The following EED variants were observed in gnomAD, a reference collection of about 807,000 sequenced individuals.
The protein encoded by EED is embryonic ectoderm development, also known as polycomb protein EED.
A neutral mutation model predicts 61.0 loss-of-function variants in EED; 9 were observed. The observed-to-expected ratio is 0.15, with a 90% CI of 0.09 to 0.26. The LOEUF is 0.26. Ranked by LOEUF, EED falls within the 10% of genes least tolerant of loss-of-function variation. The pLI, the probability that EED is intolerant of heterozygous loss-of-function variation, is 1.00. For missense variants in EED, 315 were observed against 542.3 expected (o/e 0.58, Z 4.16); for synonymous variants, 187 against 174.4 (o/e 1.07, Z -0.57).
At chr11:86,265,346 G>A (rs1945948398) in intron 7 of EED, 3 of 152,202 alleles carry the variant, frequency 2.0e-5, no homozygotes, top group African/African-American at 4.8e-5. Context: ...TAGAATGAGA[G>A]CAGGAGACAG....
At chr11:86,251,233 C>T (rs1045476997) in intron 2 of EED, among the ~76,000 whole-genome samples, 6 of 152,056 alleles carry the variant, frequency 3.9e-5, no homozygotes, top group African/African-American at 1.2e-4. Context: ...AGCAAAAATT[C>T]GATGCTCAGT....
Position 86,268,437 on chromosome 11 carries a change from A to C in EED, c.861-19A>C. ...ATAATTTTTTCTTTTAACTTTTTACATTTCCATTCTTCCTTCAGGCCATTT... is the reference window on the plus strand; with the variant it reads ...ATAATTTTTTCTTTTAACTTTTTACCTTTCCATTCTTCCTTCAGGCCATTT... On this transcript the variant is annotated intron_variant, in intron 8 of 11. Coordinates refer to ENST00000263360, the MANE Select transcript of EED (RefSeq NM_003797.5). 2.0e-6 allele frequency: 3 copies of C among 1,464,820 alleles called. No individual in the cohort carries two copies. The highest frequency in any genetic ancestry group is 2.8e-6 in the Non-Finnish European group (3 of 1,069,998). The allele number at this position is 1,464,820 out of a possible 1,614,324, so 90.7% of individuals were successfully genotyped here.
Position 86,245,295 on chromosome 11 carries a change from G to T in EED, c.66G>T (p.Lys22Asn), listed in dbSNP as rs763154303. ...ACATGCCTGCGGCCAAGAAGCAGAA[G>T]CTGAGCAGTGACGAGAACAGCAATC... ...GTDMPAAKKQ[K>N]LSSDENSNPD... Residue 22 changes from lysine (K) to asparagine (N), a missense_variant, in exon 1 of 12, where the codon AAG becomes AAT. Physicochemically the swap from Lys to Asn is moderately conservative, Grantham distance 94 (BLOSUM62 0). Around this residue, in one of 2 missense-constraint regions of EED, gnomAD observed 110 missense variants for 86.9 expected, o/e 1.27. Transcript: ENST00000263360. The T allele has an allele frequency of 6.2e-7, 1 of 1,613,556 alleles. No individual in the cohort carries two copies. The highest frequency in any genetic ancestry group is 8.5e-7 in the Non-Finnish European group (1 of 1,179,968).
At chr11:86,271,858 T>C (rs569352761) in intron 9 of EED, among the ~76,000 whole-genome samples, 2 of 151,366 alleles carry the variant, frequency 1.3e-5, no homozygotes. Flanking sequence ...CCTGTGTAAT[T>C]TTTTGTATTG....
At chr11:86,284,779 C>G in the EED span, 1 of 152,200 alleles carries the variant, frequency 6.6e-6, no homozygotes, top group Non-Finnish European at 1.5e-5. Flanking sequence ...AAGACAAGGT[C>G]AGCTATGTAA....
chr11:86,275,761 A>G (rs528824873), intron 9 of EED, among the ~76,000 whole-genome samples: 5 of 152,334 alleles, frequency 3.3e-5, no homozygotes, highest in African/African-American at 9.6e-5. Flanking sequence ...AACTCCACAG[A>G]CTATTGATCC....
chr11:86,272,123 T>C (rs572472940), intron 9 of EED, among the ~76,000 whole-genome samples: 30 of 124,266 alleles, frequency 2.4e-4, no homozygotes, highest in African/African-American at 8.9e-4. Context: ...AATGGCGCGA[T>C]CTTGGCTCAC....
At chr11:86,277,552 A>C (rs375401168) in intron 10 of EED, 2 of 180,506 alleles carry the variant, frequency 1.1e-5, no homozygotes, top group East Asian at 2.7e-4. Context: ...ATCTATTGTT[A>C]GGATTTTCTG....
At chr11:86,262,434 G>A (rs978435713) in intron 6 of EED, among the ~76,000 whole-genome samples, 1 of 152,192 alleles carries the variant, frequency 6.6e-6, no homozygotes, top group African/African-American at 2.4e-5. Context: ...CTTCACAACT[G>A]TATTGCAAGG....
At chr11:86,285,419 C>CA in the EED span, among the ~76,000 whole-genome samples, 1 of 149,912 alleles carries the variant, frequency 6.7e-6, no homozygotes, top group Non-Finnish European at 1.5e-5. Context: ...GACCCTGTCT[C>CA]AAAAAAAGAA....
chr11:86,247,270 G>C (rs1461404530), intron 1 of EED, among the ~76,000 whole-genome samples: 1 of 152,174 alleles, frequency 6.6e-6, no homozygotes, highest in Admixed American at 6.5e-5. Context: ...GCATGCCTTG[G>C]AAGCCTTAAT....
Position 86,278,442 on chromosome 11 carries a change from C to A in EED, c.1243C>A (p.Gln415Lys). ...TCATAAATGTGGTGCTGCTATTCGA[C>A]AAACCAGTTTTAGCAGGGATAGCAG... Reference protein sequence around the residue: ...THHKCGAAIRQTSFSRDSSIL... With the variant: ...THHKCGAAIRKTSFSRDSSIL... Residue 415 changes from glutamine to lysine, a missense_variant, in exon 12 of 12, where the codon CAA becomes AAA. Gln to Lys is a moderately conservative substitution (Grantham distance 53). This residue lies in a region of EED where 205 missense variants were observed against 455.4 expected (regional missense o/e 0.45). Coordinates refer to ENST00000263360, the MANE Select transcript of EED (RefSeq NM_003797.5). 1 of 1,613,576 alleles carries A rather than the reference C, an allele frequency of 6.2e-7. No individual in the cohort carries two copies. Among genetic ancestry groups the A allele is most frequent in the Non-Finnish European group, 8.5e-7 (1 of 1,179,814 alleles).
At chr11:86,245,490 T>G in intron 1 of EED, 147 bp downstream of exon 1, 4 of 685,556 alleles carry the variant, frequency 5.8e-6, no homozygotes, top group Admixed American at 2.6e-5. Context: ...AAAATTGAAA[T>G]TGCCTACGGG....
intron 5 of EED, among the ~76,000 whole-genome samples, chr11:86,256,733 C>G (rs1342702956): frequency 1.3e-5 from 2 of 152,080 alleles, no homozygotes; most frequent in Admixed American, 6.5e-5. Context: ...GTAGTGCTTT[C>G]TTTTTAAATC....
At chr11:86,270,293 C>T (rs181845032) in intron 9 of EED, 241 of 419,906 alleles carry the variant, frequency 5.7e-4, no homozygotes, top group African/African-American at 4.7e-3. Context: ...TTCGTATATC[C>T]TTTTTGGTGA....
intron 6 of EED, chr11:86,263,952 C>A: frequency 2.0e-6 from 1 of 509,312 alleles, no homozygotes; most frequent in Middle Eastern, 5.1e-4. Flanking sequence ...GATTGAGTTT[C>A]TAGCACATGC....
In EED at chr11:86,278,432, T is replaced by C. The variant is rs1946281138; in HGVS notation, c.1233T>C (p.Ala411=). ...CACTGACTCATCATAAATGTGGTGC[T>C]GCTATTCGACAAACCAGTTTTAGCA... The part of the protein sequence containing the change: ...CTTLTHHKCG[A]AIRQTSFSRD... Residue 411 remains alanine (A), a synonymous_variant, in exon 12 of 12, where the codon GCT becomes GCC. Transcript: ENST00000263360. 6.2e-7 allele frequency: 1 copy of C among 1,613,624 alleles called. No homozygotes were observed. The highest frequency in any genetic ancestry group is 8.5e-7 in the Non-Finnish European group (1 of 1,179,822).
At chr11:86,266,458 T>C (rs527687609) in intron 8 of EED, among the ~76,000 whole-genome samples, 1 of 152,262 alleles carries the variant, frequency 6.6e-6, no homozygotes, top group East Asian at 1.9e-4. Flanking sequence ...GTAGCACATT[T>C]TACTTATTTG....
At chr11:86,266,036 T>C (rs779601207) in intron 7 of EED, 47 bp from the exon 8 acceptor site, 3 of 1,505,238 alleles carry the variant, frequency 2.0e-6, no homozygotes, top group Non-Finnish European at 9.0e-7. Context: ...TGGATAAATA[T>C]AATTTGGAGC....
Sources: gnomAD v4.1 joint callset for allele counts (sites outside exome capture counted in the v4.1 genomes callset) on GRCh38, gnomAD v4.1.1 for gene constraint, gnomAD v4.1.1 regional missense constraint, MANE v1.5 for transcripts, NCBI Gene and HGNC (gene_info 2026-07-23, HGNC 2026-07-21) for gene names.